TMEM117: variants seen among roughly 807,000 people sequenced by gnomAD.
TMEM117 encodes the protein transmembrane protein 117.
Under a neutral mutation model 52.4 loss-of-function variants are expected in TMEM117, and 27 were observed. The ratio of observed to expected loss-of-function variants is 0.51; its 90% CI spans 0.38 to 0.71. The LOEUF is 0.71. Among genes scored for constraint, TMEM117 ranks in the 30% least tolerant of loss-of-function variants. TMEM117 has a pLI of 0.00. For synonymous variants in TMEM117, 215 were observed against 206.3 expected (o/e 1.04, Z -0.36); for missense variants, 556 against 630.5 (o/e 0.88, Z 1.26).
At chr12:44,310,663 G>A (rs1457272503) in intron 6 of TMEM117, among the ~76,000 whole-genome samples, 2 of 152,136 alleles carry the variant, frequency 1.3e-5, no homozygotes, top group East Asian at 1.9e-4. Context: ...AATAATCACC[G>A]GAACCTTTAC....
chr12:44,030,101 AAGTAAAAAGAGTAATGCTTTTT>A (rs1340853045), intron 3 of TMEM117, among the ~76,000 whole-genome samples: 3 of 152,234 alleles, frequency 2.0e-5, no homozygotes, highest in African/African-American at 7.2e-5. Context: ...TTTGTTAGAA[AAGTAAAAAGAGTAATGCTTTTT>A]AGTTCATGTG....
chr12:44,248,092 G>A (rs753903038), intron 5 of TMEM117, among the ~76,000 whole-genome samples: 1 of 152,124 alleles, frequency 6.6e-6, no homozygotes, highest in Non-Finnish European at 1.5e-5. Flanking sequence ...CCAGTTGGGC[G>A]GGGAGACAGG....
At chr12:44,360,452 A>AGGGAG (rs1951705906) in intron 6 of TMEM117, among the ~76,000 whole-genome samples, 2 of 151,918 alleles carry the variant, frequency 1.3e-5, no homozygotes, top group South Asian at 2.1e-4. Context: ...GTGTAGTCCC[A>AGGGAG]GCTACTCGGG....
chr12:44,055,590 G>A (rs954015605), intron 3 of TMEM117, among the ~76,000 whole-genome samples: 1 of 152,122 alleles, frequency 6.6e-6, no homozygotes, highest in African/African-American at 2.4e-5. Flanking sequence ...TGTGGCATCA[G>A]GTAGGTGTGC....
intron 5 of TMEM117, among the ~76,000 whole-genome samples, chr12:44,289,923 C>G (rs1950684363): frequency 6.6e-6 from 1 of 152,096 alleles, no homozygotes; most frequent in African/African-American, 2.4e-5. Flanking sequence ...AGCAATATGT[C>G]ATTGTAGTTT....
chr12:43,901,295 TTTTG>T (rs749642250), intron 2 of TMEM117, among the ~76,000 whole-genome samples: 4 of 152,170 alleles, frequency 2.6e-5, no homozygotes, highest in Non-Finnish European at 5.9e-5. Context: ...TTGCCCCGTT[TTTTG>T]TTTGTTTGTT....
intron 3 of TMEM117, among the ~76,000 whole-genome samples, chr12:44,002,364 A>G (rs1324688324): frequency 7.0e-6 from 1 of 142,600 alleles, no homozygotes; most frequent in African/African-American, 2.5e-5. Flanking sequence ...TGAAGAGACA[A>G]CCCCCTTTAG....
intron 3 of TMEM117, among the ~76,000 whole-genome samples, chr12:44,102,497 GCTTT>G (rs1947879001): frequency 6.6e-6 from 1 of 151,026 alleles, no homozygotes; most frequent in African/African-American, 2.4e-5. Context: ...CCTCTCTCTG[GCTTT>G]CTTTCTCTTC....
intron 6 of TMEM117, among the ~76,000 whole-genome samples, chr12:44,306,063 A>C (rs1264046732): frequency 6.6e-6 from 1 of 152,176 alleles, no homozygotes; most frequent in Non-Finnish European, 1.5e-5. Context: ...TATAAATGAG[A>C]GCTAAACATT....
At chr12:44,370,941 C>G (rs1237394869) in intron 6 of TMEM117, among the ~76,000 whole-genome samples, 1 of 152,130 alleles carries the variant, frequency 6.6e-6, no homozygotes, top group Non-Finnish European at 1.5e-5. Context: ...TCTAAGCTCC[C>G]TGGAGCTTAC....
chr12:44,068,511 T>G (rs1227665178), intron 3 of TMEM117, among the ~76,000 whole-genome samples: 1 of 152,150 alleles, frequency 6.6e-6, no homozygotes, highest in Non-Finnish European at 1.5e-5. Flanking sequence ...CTAATTTCAC[T>G]ATTGTTGTGT....
intron 5 of TMEM117, among the ~76,000 whole-genome samples, chr12:44,266,526 A>G (rs548572226): frequency 1.3e-5 from 2 of 152,238 alleles, no homozygotes; most frequent in East Asian, 3.9e-4. Flanking sequence ...TATAAGGCAC[A>G]TATCTGATAA....
chr12:44,054,694 T>C (rs1303130671), intron 3 of TMEM117, among the ~76,000 whole-genome samples: 2 of 143,610 alleles, frequency 1.4e-5, no homozygotes, highest in African/African-American at 5.8e-5. Context: ...TGGATACCAA[T>C]AGGATTATTT....
chr12:44,221,329 T>C (rs890551957), intron 5 of TMEM117, among the ~76,000 whole-genome samples: 3 of 152,206 alleles, frequency 2.0e-5, no homozygotes, highest in African/African-American at 7.2e-5. Flanking sequence ...TTCAGTTGTT[T>C]ATAGCAGAAG....
chr12:43,944,908 G>A lies in TMEM117; in HGVS notation c.410+566G>A, dbSNP rs181719288. Reference sequence around the variant, plus strand: ...GCAGCGGATCACAAGGTCAGGAGATGGAGACCATCCTAGCCAACATGGTGA... The same window carrying A: ...GCAGCGGATCACAAGGTCAGGAGATAGAGACCATCCTAGCCAACATGGTGA... On this transcript the variant is annotated intron_variant, in intron 3 of 7. Coordinates refer to ENST00000266534, the MANE Select transcript of TMEM117 (RefSeq NM_032256.3). Among the ~76,000 whole-genome samples, 700 of 152,052 alleles carry A rather than the reference G, an allele frequency of 4.6e-3. 5 individuals are homozygous for A. Among genetic ancestry groups the A allele is most frequent in the African/African-American group, 0.016 (674 of 41,478 alleles).
At chr12:44,126,851 AG>A (rs1291495021) in intron 3 of TMEM117, among the ~76,000 whole-genome samples, 2 of 152,264 alleles carry the variant, frequency 1.3e-5, no homozygotes, top group African/African-American at 4.8e-5. Context: ...GCAAGCAGAA[AG>A]TTGATGCTTG....
At chr12:43,839,404 C>T (rs1943083362) in intron 1 of TMEM117, among the ~76,000 whole-genome samples, 1 of 152,124 alleles carries the variant, frequency 6.6e-6, no homozygotes, top group African/African-American at 2.4e-5. Context: ...TGCACCTGCT[C>T]CCCATCCAGT....
chr12:43,863,668 C>T (rs966837598), intron 2 of TMEM117, among the ~76,000 whole-genome samples: 2 of 152,204 alleles, frequency 1.3e-5, no homozygotes, highest in South Asian at 4.1e-4. Context: ...ACTGTTCACA[C>T]TTGAGGGAGT....
intron 3 of TMEM117, among the ~76,000 whole-genome samples, chr12:43,988,496 A>G (rs1308355122): frequency 6.6e-6 from 1 of 152,152 alleles, no homozygotes; most frequent in Non-Finnish European, 1.5e-5. Flanking sequence ...AGCTGTTATT[A>G]AATTGCAGCA....
Sources: gnomAD v4.1 joint callset for allele counts (sites outside exome capture counted in the v4.1 genomes callset) on GRCh38, gnomAD v4.1.1 for gene constraint, MANE v1.5 for transcripts, NCBI Gene and HGNC (gene_info 2026-07-23, HGNC 2026-07-21) for gene names.